The following SHOX variants were observed in gnomAD, a reference collection of about 807,000 sequenced individuals.
The protein encoded by SHOX is short stature homeobox protein.
A neutral mutation model predicts 29.6 loss-of-function variants in SHOX; 12 were observed. The ratio of observed to expected loss-of-function variants is 0.41; its 90% CI spans 0.26 to 0.66. The LOEUF is 0.66. Ranked by LOEUF, SHOX falls within the 30% of genes least tolerant of loss-of-function variation. SHOX has a pLI of 0.35. For missense variants in SHOX, 499 were observed against 437.7 expected (o/e 1.14, Z -1.25); for synonymous variants, 214 against 200.6 (o/e 1.07, Z -0.57).
Position 650,217 on chromosome X carries a change from A to G in SHOX, c.*5581A>G, listed in dbSNP as rs2053033768. Among the ~76,000 whole-genome samples, 1 of 152,216 alleles carries G rather than the reference A, an allele frequency of 6.6e-6. No homozygotes were observed. Among genetic ancestry groups the G allele is most frequent in the African/African-American group, 2.4e-5 (1 of 41,468 alleles). The stretch of plus-strand genomic sequence containing the variant: ...ATTTAGAGCGTAACTGACCGCGTCC[A>G]ACACCCGTTTTTCCACTTACAAAGC... On this transcript the variant is annotated 3_prime_UTR_variant, in exon 5 of 5. Transcript: ENST00000686671.
intron 2 of SHOX, among the ~76,000 whole-genome samples, chrX:636,339 C>CCT (rs2052749258): frequency 1.3e-4 from 1 of 7,644 alleles, no homozygotes; most frequent in South Asian, 2.9e-3. Context: ...AACATATAAA[C>CCT]ATATATAAAT....
At chrX:653,957 C>A (rs761209860), downstream of SHOX, among the ~76,000 whole-genome samples, 4 of 152,094 alleles carry the variant, frequency 2.6e-5, no homozygotes, top group African/African-American at 9.6e-5. Context: ...GCAAGCATGC[C>A]TATATTGAAC....
chrX:656,858 AAAC>A (rs1310064475), intron 5 of SHOX, among the ~76,000 whole-genome samples: 1 of 43,080 alleles, frequency 2.3e-5, no homozygotes, highest in Non-Finnish European at 4.6e-5. Flanking sequence ...AAAAAAAAAA[AAAC>A]TGCTGCCCAA....
chrX:636,953 T>C (rs1227583325), intron 2 of SHOX, among the ~76,000 whole-genome samples: 1 of 142,400 alleles, frequency 7.0e-6, no homozygotes, highest in East Asian at 2.0e-4. Flanking sequence ...TAAAAATATA[T>C]ATATATATAT....
upstream of SHOX, among the ~76,000 whole-genome samples, chrX:628,287 C>T (rs866343844): frequency 7.1e-6 from 1 of 141,212 alleles, no homozygotes; most frequent in Non-Finnish European, 1.6e-5. Context: ...CTGTCTCTCT[C>T]TTTCTCTGTC....
chrX:655,598 CTCTCTCTCTCTCTCTCTATATATATATA>C (rs1253290284), downstream of SHOX, among the ~76,000 whole-genome samples: 332 of 65,248 alleles, frequency 5.1e-3, no homozygotes, highest in Non-Finnish European at 6.2e-3. Context: ...CTCTCTCTCT[CTCTCTCTCTCTCTCTCTATATATATATA>C]TATATATATA....
At chrX:625,665 G>A (rs1329949075) in intron 1 of SHOX, among the ~76,000 whole-genome samples, 5 of 112,162 alleles carry the variant, frequency 4.5e-5, no homozygotes, top group Admixed American at 4.4e-4. Flanking sequence ...CTCTGTCTTC[G>A]TTCCTCTCTC....
At chrX:652,868 G>A (rs1346437693), downstream of SHOX, among the ~76,000 whole-genome samples, 7 of 70,578 alleles carry the variant, frequency 9.9e-5, no homozygotes, top group Admixed American at 1.1e-3. Flanking sequence ...TGACCTCAAC[G>A]CGTCCATCTC....
chrX:633,394 T>G (rs1283708439), intron 1 of SHOX, among the ~76,000 whole-genome samples: 1 of 150,730 alleles, frequency 6.6e-6, no homozygotes, highest in Non-Finnish European at 1.5e-5. Context: ...AGGAATGGAG[T>G]GTTCTTGCAG....
rs183402775 is a variant in SHOX, at chrX:648,299, G to A, written c.*3663G>A. On this transcript the variant is annotated 3_prime_UTR_variant, in exon 5 of 5. Transcript: ENST00000686671. ...CTGGGATTACAGGCACCTGCCACCA[G>A]GCCTGGGTAACTTTCTGGTAGTTTT... Among the ~76,000 whole-genome samples the A allele has an allele frequency of 0.011, 1,705 of 148,514 alleles. 2 individuals carry two copies. The highest frequency in any genetic ancestry group is 0.018 in the Non-Finnish European group (1,210 of 67,158).
intron 2 of SHOX, among the ~76,000 whole-genome samples, chrX:635,868 G>GAC (rs1335249029): frequency 6.7e-6 from 1 of 149,290 alleles, no homozygotes; most frequent in Non-Finnish European, 1.5e-5. Context: ...GAGAGAGAGA[G>GAC]AGAGAGAGAG....
intron 5 of SHOX, among the ~76,000 whole-genome samples, chrX:657,903 T>C (rs1484486503): frequency 1.3e-5 from 2 of 152,184 alleles, no homozygotes; most frequent in Non-Finnish European, 2.9e-5. Context: ...TACTGCTGTT[T>C]TCCTTTGGAA....
chrX:636,692 C>T lies in SHOX; in HGVS notation c.486+1866C>T, dbSNP rs867763338. 2.5e-4 allele frequency among the ~76,000 whole-genome samples: 2 copies of T among 7,920 alleles called. 1 individual carries two copies. Among genetic ancestry groups the T allele is most frequent in the Non-Finnish European group, 3.4e-4 (2 of 5,854 alleles). 5.2% of individuals were successfully genotyped at this position (7,920 alleles called of 152,430 possible). A position where few individuals can be genotyped will look rare whatever the true frequency, so the allele number is the denominator to read the frequency against. ...ATATACATATATAAACATATATATA[C>T]ATAAAATATATATATAAACATATAT... is the stretch of plus-strand genomic sequence containing the variant. On this transcript the variant is annotated intron_variant, in intron 2 of 4. Transcript: ENST00000686671.
At chrX:655,781 G>A (rs1055813197), downstream of SHOX, among the ~76,000 whole-genome samples, 7 of 151,864 alleles carry the variant, frequency 4.6e-5, no homozygotes, top group African/African-American at 1.5e-4. Flanking sequence ...CAATCTGTTC[G>A]TGTTTAAAGA....
Position 630,856 on chromosome X carries a change from G to T in SHOX, c.-42G>T, listed in dbSNP as rs1569493100. ...GTCCTCTCCGCGCGGGGAGACGCGC[G>T]CATCCACCAGCCCCGGCTGCTCGCC... On this transcript the variant is annotated 5_prime_UTR_variant, in exon 1 of 5. Transcript: ENST00000686671. The T allele has an allele frequency of 1.2e-6, 2 of 1,610,352 alleles. No homozygotes were observed. The highest frequency in any genetic ancestry group is 3.3e-5 in the Admixed American group (2 of 59,920).
At position 649,355 on chromosome X, in the gene SHOX, A is replaced by G. The variant is rs922255189; in HGVS notation, c.*4719A>G. Among the ~76,000 whole-genome samples, 2 of 151,732 alleles carry G rather than the reference A, an allele frequency of 1.3e-5. No homozygotes were observed. The highest frequency in any genetic ancestry group is 4.8e-5 in the African/African-American group (2 of 41,300). ...GCCCGGCCTCCTCTCTCTTTTTCTG[A>G]GATGTTTAGGAAGGACTGGGCTGAT... On this transcript the variant is annotated 3_prime_UTR_variant, in exon 5 of 5. Transcript: ENST00000686671.
rs1219530459 is a variant in SHOX at position 648,744 on chromosome X, G to T, written c.*4108G>T. On this transcript the variant is annotated 3_prime_UTR_variant, in exon 5 of 5. Transcript: ENST00000686671. ...GAGAGAAGTTGGGTGACTTTCTGTA[G>T]GTGGATGAGTGATCCCTGAATGAGT... 6.6e-6 allele frequency among the ~76,000 whole-genome samples: 1 copy of T among 152,080 alleles called. No homozygotes were observed. The highest frequency in any genetic ancestry group is 1.5e-5 in the Non-Finnish European group (1 of 68,018).
chrX:641,161 G>T (rs754221292), intron 4 of SHOX, 74 bp downstream of exon 4: 4 of 1,374,354 alleles, frequency 2.9e-6, no homozygotes, highest in African/African-American at 1.4e-5. Flanking sequence ...ATTTGCTGCC[G>T]CATCCTGACA....
At chrX:625,429 C>G (rs759349898) in intron 1 of SHOX, among the ~76,000 whole-genome samples, 1 of 152,080 alleles carries the variant, frequency 6.6e-6, no homozygotes, top group Non-Finnish European at 1.5e-5. Context: ...AAAGTCTCTT[C>G]TCATCGGCTT....
Sources: allele counts gnomAD v4.1 joint callset (sites outside exome capture counted in the v4.1 genomes callset), GRCh38; gene constraint gnomAD v4.1.1; transcripts MANE v1.5; gene names NCBI Gene and HGNC (gene_info 2026-07-23, HGNC 2026-07-21).